MICU1: variants seen among roughly 807,000 people sequenced by gnomAD.
MICU1 encodes calcium uptake protein 1, mitochondrial.
Under a neutral mutation model 56.8 loss-of-function variants are expected in MICU1, and 45 were observed. The ratio of observed to expected loss-of-function variants is 0.79; its 90% confidence interval spans 0.62 to 1.02. The LOEUF is 1.02. Among genes scored for constraint, MICU1 ranks in the 50% least tolerant of loss-of-function variants. The pLI is 0.00. For missense variants in MICU1, 504 were observed against 587.1 expected (o/e 0.86, Z 1.46); for synonymous variants, 186 against 195.1 (o/e 0.95, Z 0.39).
intron 4 of MICU1, among the ~76,000 whole-genome samples, chr10:72,545,132 T>C (rs1189521632): frequency 6.6e-5 from 10 of 152,160 alleles, no homozygotes; most frequent in Admixed American, 2.0e-4. Context: ...TCAACCCATA[T>C]AGGAATAATA....
chr10:72,502,534 T>C (rs11597525), intron 6 of MICU1, among the ~76,000 whole-genome samples: 70,826 of 152,120 alleles, frequency 0.47, 20,371 homozygotes, highest in Non-Finnish European at 0.67. Context: ...CCCTTTGCAC[T>C]GTTCTAGCTG....
At chr10:72,379,199 AATG>A (rs1862623623) in intron 10 of MICU1, among the ~76,000 whole-genome samples, 1 of 152,196 alleles carries the variant, frequency 6.6e-6, no homozygotes. Context: ...AGAGAACTAC[AATG>A]ATGACAGCTG....
intron 5 of MICU1, among the ~76,000 whole-genome samples, chr10:72,516,082 A>G (rs1168651127): frequency 6.6e-6 from 1 of 152,134 alleles, no homozygotes; most frequent in Non-Finnish European, 1.5e-5. Context: ...CTATTTCTCC[A>G]CATCCTCTCC....
chr10:72,554,727 G>T (rs1417382961), intron 3 of MICU1, among the ~76,000 whole-genome samples: 1 of 151,932 alleles, frequency 6.6e-6, no homozygotes. Flanking sequence ...TTCAAATACA[G>T]ACATTGGCCA....
intron 6 of MICU1, among the ~76,000 whole-genome samples, chr10:72,480,901 C>T (rs916138172): frequency 1.3e-5 from 2 of 152,214 alleles, no homozygotes; most frequent in African/African-American, 4.8e-5. Context: ...ATACACTTTA[C>T]CAAACAAAGT....
At chr10:72,553,603 T>C (rs1278002772) in intron 3 of MICU1, among the ~76,000 whole-genome samples, 2 of 152,196 alleles carry the variant, frequency 1.3e-5, no homozygotes, top group South Asian at 2.1e-4. Flanking sequence ...AAAGAAACCA[T>C]TCGGAATGTT....
chr10:72,440,321 G>T (rs1864877793), intron 8 of MICU1, among the ~76,000 whole-genome samples: 1 of 152,148 alleles, frequency 6.6e-6, no homozygotes. Context: ...TTTAATAAAT[G>T]GTGCTGGGAA....
intron 10 of MICU1, among the ~76,000 whole-genome samples, chr10:72,378,085 A>G (rs1304232784): frequency 6.6e-6 from 1 of 152,074 alleles, no homozygotes; most frequent in Non-Finnish European, 1.5e-5. Context: ...CCCTGTCTCT[A>G]CTAAAATAAA....
In MICU1 at chr10:72,448,621, G is replaced by A. The variant is rs116191043; in HGVS notation, c.934-25250C>T. ...CATTAGGAAAAATGCAATAAAGATT[G>A]GGAGACTGAGGCTCAGAAACATGTA... On this transcript the variant is annotated intron_variant, in intron 8 of 11. Coordinates refer to ENST00000361114, the MANE Select transcript of MICU1 (RefSeq NM_001195518.2). Among the ~76,000 whole-genome samples the A allele has an allele frequency of 2.1e-3, 319 of 152,166 alleles. 1 individual carries two copies. Among genetic ancestry groups the A allele is most frequent in the African/African-American group, 6.9e-3 (285 of 41,522 alleles).
chr10:72,502,154 T>TTG lies in MICU1; in HGVS notation c.652+6000_652+6001insCA, dbSNP rs781602833. On this transcript the variant is annotated intron_variant, in intron 6 of 11. Transcript: ENST00000361114. ...ATTAACTTTGTTTTGCTGTTTTTTT[T>TTG]TTTGTTTTTTTTTTTTTTTTGAGTC... 2.4e-3 allele frequency among the ~76,000 whole-genome samples: 248 copies of TTG among 103,458 alleles called. 1 individual carries two copies. The highest frequency in any genetic ancestry group is 5.8e-3 in the Middle Eastern group (1 of 172). The allele number at this position is 103,458 out of a possible 152,430, so 67.9% of individuals were successfully genotyped here.
intron 10 of MICU1, among the ~76,000 whole-genome samples, chr10:72,406,091 T>C (rs57774262): frequency 0.041 from 6,231 of 151,832 alleles, 421 homozygotes; most frequent in African/African-American, 0.14. Context: ...TAGAAAAACC[T>C]GAGGAATCTA....
At chr10:72,569,956 T>C (rs1023382972) in intron 1 of MICU1, among the ~76,000 whole-genome samples, 1 of 152,036 alleles carries the variant, frequency 6.6e-6, no homozygotes, top group East Asian at 1.9e-4. Flanking sequence ...TTTTTGTGTG[T>C]GTGTTTTGAG....
chr10:72,466,484 C>T (rs944542110), intron 8 of MICU1, among the ~76,000 whole-genome samples: 27 of 152,268 alleles, frequency 1.8e-4, no homozygotes, highest in African/African-American at 6.5e-4. Flanking sequence ...CTGGAAACCT[C>T]TAAGGATGGA....
intron 10 of MICU1, among the ~76,000 whole-genome samples, chr10:72,386,488 C>T (rs1443355067): frequency 6.6e-6 from 1 of 151,488 alleles, no homozygotes; most frequent in Non-Finnish European, 1.5e-5. Context: ...GGACAAGGGA[C>T]TATCTTTTTG....
chr10:72,545,402 A>G (rs889848568), intron 4 of MICU1, among the ~76,000 whole-genome samples: 1 of 152,226 alleles, frequency 6.6e-6, no homozygotes, highest in East Asian at 1.9e-4. Context: ...GGTTTTACGT[A>G]TTTTAGGAAG....
At chr10:72,486,204 A>T (rs1866469630) in intron 6 of MICU1, among the ~76,000 whole-genome samples, 3 of 152,186 alleles carry the variant, frequency 2.0e-5, no homozygotes, top group Admixed American at 2.0e-4. Flanking sequence ...GTGGTAATAT[A>T]AGCATCAAGT....
chr10:72,593,375 G>A (rs912070192), intron 1 of MICU1, among the ~76,000 whole-genome samples: 9 of 152,004 alleles, frequency 5.9e-5, no homozygotes, highest in South Asian at 2.1e-4. Flanking sequence ...TTAGGCAGGC[G>A]GATCACTTGA....
chr10:72,386,755 T>G (rs1191183024), intron 10 of MICU1, among the ~76,000 whole-genome samples: 1 of 151,724 alleles, frequency 6.6e-6, no homozygotes, highest in Non-Finnish European at 1.5e-5. Context: ...AGAGACAGAG[T>G]CCCACTGTGT....
At chr10:72,623,556 A>G (rs1016379993) in intron 1 of MICU1, among the ~76,000 whole-genome samples, 1 of 151,894 alleles carries the variant, frequency 6.6e-6, no homozygotes, top group Non-Finnish European at 1.5e-5. Context: ...TAGCCTGGGT[A>G]GGCCAGGTGT....
Sources: allele counts gnomAD v4.1 joint callset (sites outside exome capture counted in the v4.1 genomes callset), GRCh38; gene constraint gnomAD v4.1.1; transcripts MANE v1.5; gene names NCBI Gene and HGNC (gene_info 2026-07-23, HGNC 2026-07-21).